IL17REL: variants seen among roughly 807,000 people sequenced by gnomAD.
IL17REL encodes the protein interleukin 17 receptor E like, also known as interleukin-17 receptor E-like protein.
In IL17REL, 36 loss-of-function variants were observed where a neutral mutation model predicts 49.0. That is an observed-to-expected ratio of 0.73 (90% CI 0.56 to 0.97). The LOEUF (loss-of-function observed/expected upper bound fraction) is 0.97, where lower values mean the gene tolerates loss of function less well. Ranked by LOEUF, IL17REL falls within the 50% of genes least tolerant of loss-of-function variation. IL17REL has a pLI of 0.00. For missense variants in IL17REL, 470 were observed against 453.9 expected (o/e 1.04, Z -0.32); for synonymous variants, 206 against 192.4 (o/e 1.07, Z -0.58).
chr22:49,999,211 C>G (rs562858324), intron 7 of IL17REL, 80 bp downstream of exon 9: 6 of 1,524,688 alleles, frequency 3.9e-6, no homozygotes, highest in Non-Finnish European at 1.8e-6. Context: ...TCTCATCCCC[C>G]CACGTCAGTC....
chr22:50,005,017 T>C (rs1272779635), intron 1 of IL17REL, among the ~76,000 whole-genome samples: 1 of 136,440 alleles, frequency 7.3e-6, no homozygotes, highest in Non-Finnish European at 1.5e-5. Context: ...GGAGAAGGAC[T>C]CACGGTGAGC....
upstream of IL17REL, among the ~76,000 whole-genome samples, chr22:50,010,798 G>A (rs1376944138): frequency 9.0e-6 from 1 of 110,890 alleles, no homozygotes; most frequent in Non-Finnish European, 1.8e-5. Context: ...CGCGCTGGGG[G>A]GAAGGTGGGG....
upstream of IL17REL, among the ~76,000 whole-genome samples, chr22:50,010,722 G>A (rs1049547873): frequency 6.6e-6 from 1 of 152,156 alleles, no homozygotes; most frequent in Non-Finnish European, 1.5e-5. Context: ...AGCCGCTGTC[G>A]GGGGCGCGGA....
chr22:50,000,441 A>G, intron 4 of IL17REL, 37 bp downstream of exon 5: 1 of 1,511,226 alleles, frequency 6.6e-7, no homozygotes, highest in Non-Finnish European at 9.2e-7. Flanking sequence ...CTGGAGGCTG[A>G]ACGGTAGCTG....
chr22:49,997,977 C>T, intron 9 of IL17REL, 48 bp downstream of exon 11: 1 of 1,592,182 alleles, frequency 6.3e-7, no homozygotes, highest in Non-Finnish European at 8.5e-7. Flanking sequence ...CTGATGCCCC[C>T]TGGCCCCTCC....
exon 2 of IL17REL, chr22:50,001,136 G>C: frequency 6.2e-7 from 1 of 1,607,154 alleles, no homozygotes; most frequent in South Asian, 1.1e-5. Flanking sequence ...CCGTCAGAGG[G>C]GACACACTGC....
At chr22:50,003,552 A>G (rs1205317710) in intron 1 of IL17REL, among the ~76,000 whole-genome samples, 1 of 144,166 alleles carries the variant, frequency 6.9e-6, no homozygotes, top group Non-Finnish European at 1.5e-5. Flanking sequence ...AAGGCTGGGC[A>G]TGGATCACAC....
chr22:49,994,175 C>A (rs137841), downstream of IL17REL, among the ~76,000 whole-genome samples: 39,096 of 151,990 alleles, frequency 0.26, 5,128 homozygotes, highest in Middle Eastern at 0.4. Context: ...TCCATGCCCC[C>A]CACTGGCCTC....
At chr22:49,995,293 G>A (rs1266513093) in exon 13 of IL17REL, 1 of 152,502 alleles carries the variant, frequency 6.6e-6, no homozygotes, top group African/African-American at 2.4e-5. Flanking sequence ...GGGAGGCTGG[G>A]GTCCAGCACC....
intron 1 of IL17REL, among the ~76,000 whole-genome samples, chr22:50,006,999 A>C (rs2061114106): frequency 6.6e-6 from 1 of 151,764 alleles, no homozygotes; most frequent in South Asian, 2.1e-4. Flanking sequence ...TAAAAAACCT[A>C]TATGACAATT....
chr22:50,007,661 G>A (rs912957763), intron 1 of IL17REL, among the ~76,000 whole-genome samples: 6 of 152,062 alleles, frequency 3.9e-5, no homozygotes, highest in Admixed American at 3.3e-4. Context: ...TTACAGGTGT[G>A]AGCCACCGCA....
chr22:50,004,216 C>T (rs996418681), intron 1 of IL17REL, among the ~76,000 whole-genome samples: 1 of 152,074 alleles, frequency 6.6e-6, no homozygotes, highest in Non-Finnish European at 1.5e-5. Flanking sequence ...GTAGCTAGGA[C>T]TACAGGTGCG....
At chr22:49,999,748 G>A (rs1224288982) in intron 5 of IL17REL, 80 bp downstream of exon 7, 7 of 1,132,836 alleles carry the variant, frequency 6.2e-6, no homozygotes, top group African/African-American at 5.0e-5. Flanking sequence ...GGGTGGGCGG[G>A]GCCTAAGGCT....
In IL17REL at chr22:49,997,059, C is replaced by T. The variant is rs759697914; in HGVS notation, c.990G>A (p.Pro330=). 29 of 1,565,152 alleles carry T rather than the reference C, an allele frequency of 1.9e-5. No individual in the cohort carries two copies. The South Asian group carries it at 2.2e-4, about 12-fold the overall frequency. ...AGGTCTAGGAAGGCAAAAGCAGGGGCGGCTGCCAGGTCACCCTGGGTGGGG... is the reference window on the plus strand; with the variant it reads ...AGGTCTAGGAAGGCAAAAGCAGGGGTGGCTGCCAGGTCACCCTGGGTGGGG... Residue 330 remains proline, a synonymous_variant, in exon 12 of 13, where the codon CCG becomes CCA. Coordinates refer to ENST00000341280, the Ensembl canonical transcript of IL17REL.
chr22:50,008,909 C>G (rs1271888467), upstream of IL17REL: 2 of 152,318 alleles, frequency 1.3e-5, no homozygotes, highest in African/African-American at 4.8e-5. Flanking sequence ...TGGACACTAG[C>G]AGAGCACCCA....
At chr22:49,999,762 C>A (rs1176712496) in intron 5 of IL17REL, 66 bp downstream of exon 7, 7 of 1,153,658 alleles carry the variant, frequency 6.1e-6, no homozygotes, top group Admixed American at 7.0e-5. Context: ...TAAGGCTGAC[C>A]GGGGCCCGGG....
intron 5 of IL17REL, 42 bp downstream of exon 7, chr22:49,999,786 C>A (rs761559622): frequency 7.5e-7 from 1 of 1,342,196 alleles, no homozygotes; most frequent in Non-Finnish European, 9.6e-7. Flanking sequence ...CGGAGGTGGG[C>A]GGGGCCTAAG....
At chr22:50,001,277 G>A (rs139138549) in intron 1 of IL17REL, 46 bp from the exon 3 acceptor site, 1,627 of 832,932 alleles carry the variant, frequency 2.0e-3, no homozygotes, top group Admixed American at 3.1e-3. Context: ...CCTGGTGCTC[G>A]GAAAGGCTTT....
chr22:50,001,073 A>G lies in IL17REL; in HGVS notation c.109+9T>C. 1 of 1,568,716 alleles carries G rather than the reference A, an allele frequency of 6.4e-7. No individual in the cohort carries two copies. The highest frequency in any genetic ancestry group is 8.7e-7 in the Non-Finnish European group (1 of 1,155,512). ...GGTGTTAACTCCCACCCTCGAGGCC[A>G]CCTCTCACCATGCAGGGTGATGGAG... On this transcript the variant is annotated intron_variant, in intron 2 of 12. Coordinates refer to ENST00000341280, the Ensembl canonical transcript of IL17REL.
Sources: allele counts gnomAD v4.1 joint callset (sites outside exome capture counted in the v4.1 genomes callset), GRCh38; gene constraint gnomAD v4.1.1; transcripts MANE v1.5; gene names NCBI Gene and HGNC (gene_info 2026-07-23, HGNC 2026-07-21).